ZNF383: variants seen among roughly 807,000 people sequenced by gnomAD.
ZNF383 encodes the protein zinc finger protein 383.
A neutral mutation model predicts 44.2 loss-of-function variants in ZNF383; 32 were observed. That is an observed-to-expected ratio of 0.72 (90% CI 0.55 to 0.97). The LOEUF is 0.97. Among genes scored for constraint, ZNF383 ranks in the 50% least tolerant of loss-of-function variants. The pLI is 0.00. For synonymous variants in ZNF383, 155 were observed against 186.2 expected (o/e 0.83, Z 1.36); for missense variants, 487 against 562.5 (o/e 0.87, Z 1.36).
At position 37,223,678 on chromosome 19, in the gene ZNF383, A is replaced by G. The variant is rs1033729442; in HGVS notation, c.-167-1140A>G. On this transcript the variant is annotated intron_variant, in intron 1 of 5. Transcript: ENST00000684119. ...AGTGATAATGAAAAATAACATACCAAAATTATGTTTCTAAAGCTGAATATG... is the reference window on the plus strand; with the variant it reads ...AGTGATAATGAAAAATAACATACCAGAATTATGTTTCTAAAGCTGAATATG... Among the ~76,000 whole-genome samples, 26 of 152,152 alleles carry G rather than the reference A, an allele frequency of 1.7e-4. 1 individual carries two copies. Among genetic ancestry groups the G allele is most frequent in the Non-Finnish European group, 1.5e-4 (10 of 68,036 alleles).
chr19:37,221,812 C>T lies in ZNF383; in HGVS notation c.-167-3006C>T, dbSNP rs1214140249. Among the ~76,000 whole-genome samples the T allele has an allele frequency of 3.3e-5, 5 of 151,230 alleles. No homozygotes were observed. In the East Asian group the frequency reaches 7.8e-4, roughly 24 times the overall value. ...AAAAAAAAAAATACAAAAAATTAGC[C>T]GGGCATGGTGGCGGCCGCCTATAGT... On this transcript the variant is annotated intron_variant, in intron 1 of 5. Coordinates refer to ENST00000684119, the MANE Select transcript of ZNF383 (RefSeq NM_001387601.1).
intron 2 of ZNF383, chr19:37,227,561 A>C (rs1973238844): frequency 6.6e-6 from 1 of 152,258 alleles, no homozygotes; most frequent in Admixed American, 6.5e-5. Flanking sequence ...TTGTGTGTGG[A>C]GACGAGAGAT....
rs747829532 is a variant in ZNF383 at position 37,243,656 on chromosome 19, A to C, written c.1420A>C (p.Asn474His). The C allele has an allele frequency of 6.6e-7, 1 of 1,504,508 alleles. No individual in the cohort carries two copies. Among genetic ancestry groups the C allele is most frequent in the South Asian group, 1.4e-5 (1 of 70,648 alleles). 93.2% of individuals were successfully genotyped at this position (1,504,508 alleles called of 1,614,324 possible). A position where few individuals can be genotyped will look rare whatever the true frequency, so the allele number is the denominator to read the frequency against. Reference protein sequence around the residue: ...DLIRHQGIHTNK With the variant: ...DLIRHQGIHTHK ...CATTCGTCATCAGGGAATTCATACT[A>C]ATAAATAATAAAAATTAAAGCCCCT... is the stretch of plus-strand genomic sequence containing the variant. The change falls in exon 6 of 6, where the codon AAT (asparagine) becomes CAT (histidine). Residue 474 changes from asparagine (N) to histidine (H), a missense_variant. Asn to His is a moderately conservative substitution (Grantham distance 68). Coordinates refer to ENST00000684119, the MANE Select transcript of ZNF383 (RefSeq NM_001387601.1).
intron 2 of ZNF383, among the ~76,000 whole-genome samples, chr19:37,227,345 C>T (rs1000351940): frequency 4.8e-5 from 7 of 146,388 alleles, no homozygotes; most frequent in South Asian, 4.4e-4. Flanking sequence ...AACTCCCGAC[C>T]TCGGGTGATC....
In ZNF383 at chr19:37,244,204, C is replaced by G. The variant is rs1240254737; in HGVS notation, c.*540C>G. On this transcript the variant is annotated 3_prime_UTR_variant, in exon 6 of 6. Transcript: ENST00000684119. ...CTTCAAGCAATTCTCCTGCCTCAGA[C>G]TCCTGAGTAGCTGGGATCACAGGCG... The G allele has an allele frequency of 6.6e-6, 1 of 152,220 alleles. No individual in the cohort carries two copies. Among genetic ancestry groups the G allele is most frequent in the Non-Finnish European group, 1.5e-5 (1 of 68,162 alleles). 9.4% of individuals were successfully genotyped at this position (152,220 alleles called of 1,614,324 possible).
intron 2 of ZNF383, chr19:37,226,600 TC>T (rs1973180117): frequency 6.6e-6 from 1 of 152,232 alleles, no homozygotes; most frequent in Non-Finnish European, 1.5e-5. Flanking sequence ...TTGGCTTCTT[TC>T]ACTTAGCAAT....
chr19:37,228,376 T>G (rs1973288980), intron 2 of ZNF383, among the ~76,000 whole-genome samples: 1 of 151,630 alleles, frequency 6.6e-6, no homozygotes, highest in African/African-American at 2.4e-5. Context: ...AGAACAAAGA[T>G]TATTATTGGA....
rs1223106559 is a variant in ZNF383 at position 37,243,216 on chromosome 19, A to G, written c.980A>G (p.Gln327Arg). The G allele has an allele frequency of 6.2e-7, 1 of 1,614,194 alleles. No homozygotes were observed. Among genetic ancestry groups the G allele is most frequent in the Non-Finnish European group, 8.5e-7 (1 of 1,180,020 alleles). Residue 327 changes from glutamine (Q) to arginine (R), a missense_variant, in exon 6 of 6, where the codon CAA (glutamine) becomes CGA (arginine). Coordinates refer to ENST00000684119, the MANE Select transcript of ZNF383 (RefSeq NM_001387601.1). ...KAFTQSSKLVQHQRIHTGEKP... is the reference protein window; with the variant it reads ...KAFTQSSKLVRHQRIHTGEKP... Reference sequence around the variant, plus strand: ...TTTACCCAGAGCTCAAAGCTTGTTCAACATCAGAGAATTCATACTGGTGAG... The same window carrying G: ...TTTACCCAGAGCTCAAAGCTTGTTCGACATCAGAGAATTCATACTGGTGAG...
chr19:37,220,219 G>GTTTTC (rs533713560), intron 1 of ZNF383, among the ~76,000 whole-genome samples: 2 of 151,898 alleles, frequency 1.3e-5, no homozygotes, highest in South Asian at 2.1e-4. Context: ...CTTATATTTG[G>GTTTTC]TTTTCTTTTC....
chr19:37,233,426 C>T (rs113621080), intron 3 of ZNF383, among the ~76,000 whole-genome samples: 8 of 144,996 alleles, frequency 5.5e-5, no homozygotes, highest in Non-Finnish European at 9.0e-5. Context: ...CCACTGCGCC[C>T]GGCTGTTTTT....
chr19:37,235,893 A>T (rs1973765910), intron 4 of ZNF383, 86 bp from the exon 5 acceptor site: 1 of 1,285,892 alleles, frequency 7.8e-7, no homozygotes, highest in Non-Finnish European at 1.1e-6. Context: ...CTGTTCCTGT[A>T]GTGGCATCTC....
At chr19:37,229,132 A>G (rs1236454294) in intron 2 of ZNF383, among the ~76,000 whole-genome samples, 1 of 150,846 alleles carries the variant, frequency 6.6e-6, no homozygotes, top group East Asian at 1.9e-4. Flanking sequence ...CCTTTTGGCA[A>G]TGGCAAAAGG....
At chr19:37,229,440 G>A (rs1171061647) in intron 2 of ZNF383, among the ~76,000 whole-genome samples, 1 of 146,518 alleles carries the variant, frequency 6.8e-6, no homozygotes. Context: ...ATTACAGGCT[G>A]TGAGCCACTG....
At chr19:37,231,759 G>A (rs1451248378) in intron 3 of ZNF383, among the ~76,000 whole-genome samples, 2 of 152,214 alleles carry the variant, frequency 1.3e-5, no homozygotes, top group South Asian at 2.1e-4. Context: ...TGCATAGGAC[G>A]AGCAAAAGGG....
At chr19:37,232,140 A>G (rs1973520817) in intron 3 of ZNF383, among the ~76,000 whole-genome samples, 2 of 150,942 alleles carry the variant, frequency 1.3e-5, no homozygotes, top group African/African-American at 2.4e-5. Flanking sequence ...CAGTGGCACG[A>G]TCTCGGCTCA....
chr19:37,239,868 C>T (rs1973994254), intron 5 of ZNF383, among the ~76,000 whole-genome samples: 1 of 152,000 alleles, frequency 6.6e-6, no homozygotes, highest in African/African-American at 2.4e-5. Context: ...ATGAAAGTTA[C>T]TGCAAGATCT....
At chr19:37,238,758 C>T (rs1973943174) in intron 5 of ZNF383, among the ~76,000 whole-genome samples, 1 of 152,078 alleles carries the variant, frequency 6.6e-6, no homozygotes, top group African/African-American at 2.4e-5. Context: ...TCTTGTGGAC[C>T]TTGAATTTTA....
At chr19:37,222,131 A>G (rs1053961722) in intron 1 of ZNF383, among the ~76,000 whole-genome samples, 3 of 151,708 alleles carry the variant, frequency 2.0e-5, no homozygotes, top group African/African-American at 7.3e-5. Context: ...AATTTTACCT[A>G]TACTTGAATT....
Position 37,243,453 on chromosome 19 carries a change from A to T in ZNF383, c.1217A>T (p.Asn406Ile). 1 of 1,613,896 alleles carries T rather than the reference A, an allele frequency of 6.2e-7. No individual in the cohort carries two copies. The highest frequency in any genetic ancestry group is 8.5e-7 in the Non-Finnish European group (1 of 1,179,894). Reference protein sequence around the residue: ...CLECGKAFTQNSQLFQHQRIH... With the variant: ...CLECGKAFTQISQLFQHQRIH... ...GAATGTGGGAAGGCCTTTACTCAGA[A>T]CTCACAACTTTTCCAGCATCAGAGA... Residue 406 changes from asparagine to isoleucine, a missense_variant, in exon 6 of 6, where the codon AAC (asparagine) becomes ATC (isoleucine). Asn to Ile is a moderately radical substitution (Grantham distance 149). Coordinates refer to ENST00000684119, the MANE Select transcript of ZNF383 (RefSeq NM_001387601.1).
Sources: gnomAD v4.1 joint callset for allele counts (sites outside exome capture counted in the v4.1 genomes callset) on GRCh38, gnomAD v4.1.1 for gene constraint, MANE v1.5 for transcripts, NCBI Gene and HGNC (gene_info 2026-07-23, HGNC 2026-07-21) for gene names.